GRIP2: variants seen among roughly 807,000 people sequenced by gnomAD.
GRIP2 encodes the protein glutamate receptor-interacting protein 2.
GRIP2 carries 58 observed loss-of-function variants against 108.3 expected under a neutral mutation model. The observed-to-expected ratio is 0.54, with a 90% CI of 0.43 to 0.67. The LOEUF is 0.67. Ranked by LOEUF, GRIP2 falls within the 30% of genes least tolerant of loss-of-function variation. GRIP2 has a pLI of 0.00. For missense variants in GRIP2, 1,278 were observed against 1,430.6 expected (o/e 0.89, Z 1.72); for synonymous variants, 586 against 598.2 (o/e 0.98, Z 0.30).
intron 1 of GRIP2, chr3:14,555,870 C>A (rs1056969171): frequency 2.5e-6 from 1 of 399,084 alleles, no homozygotes; most frequent in Non-Finnish European, 4.4e-6. Flanking sequence ...CCCTCTGGGC[C>A]CCTCGCCCTC....
chr3:14,510,007 T>C, intron 16 of GRIP2, 43 bp from the exon 17 acceptor site: 5 of 1,377,548 alleles, frequency 3.6e-6, no homozygotes, highest in Non-Finnish European at 4.7e-6. Context: ...CCCGAGGGGG[T>C]ACCCAGCTTC....
the GRIP2 span, chr3:14,574,695 C>T: frequency 1.8e-5 from 11 of 607,776 alleles, no homozygotes; most frequent in East Asian, 4.0e-4. Flanking sequence ...AGTGAAGCTT[C>T]GACGCTGTGC....
In GRIP2 at chr3:14,517,821, G is replaced by A. The variant is rs749607372; in HGVS notation, c.1107C>T (p.His369=). The A allele has an allele frequency of 1.2e-6, 2 of 1,606,692 alleles. No homozygotes were observed. The change falls in exon 10 of 24, where the codon CAC becomes CAT. Residue 369 remains histidine, a synonymous_variant. Transcript: ENST00000621039. ...VPSCHSPRPG[H]CRMPTWATPA... is the part of the protein sequence containing the mutation. ...GTGTGGCCCAGGTGGGCATCCTGCA[G>A]TGGCCGGGCCGGGGGCTGTGGCAGG...
In GRIP2 at chr3:14,520,448, G is replaced by A. The variant is rs762030789; in HGVS notation, c.802C>T (p.Leu268Phe). The change falls in exon 8 of 24, where the codon CTC becomes TTC. Residue 268 changes from leucine (L) to phenylalanine (F), a missense_variant. Coordinates refer to ENST00000621039, the MANE Select transcript of GRIP2 (RefSeq NM_001080423.4). ...ALGISLTTTS[L>F]RNKSVITIDR... ...ATGGTAATGACTGACTTGTTCCGGA[G>A]GGAGGTGGTGGTGAGCGAGATCCCC... The A allele has an allele frequency of 1.4e-5, 23 of 1,613,726 alleles. No homozygotes were observed. The highest frequency in any genetic ancestry group is 1.9e-5 in the Non-Finnish European group (23 of 1,179,856).
Position 14,540,299 on chromosome 3 carries a change from C to A in GRIP2, c.10G>T (p.Gly4Trp), listed in dbSNP as rs767432061. The A allele has an allele frequency of 3.5e-5, 57 of 1,613,728 alleles. 2 individuals carry two copies. The South Asian group carries it at 6.3e-4, about 18-fold the overall frequency. The change falls in exon 1 of 24, where the codon GGG becomes TGG. Residue 4 changes from glycine to tryptophan, a missense_variant. Gly to Trp is a radical substitution (Grantham distance 184, BLOSUM62 -2). Transcript: ENST00000621039. This position sits in a 1 kb window ranked among gnomAD's most constrained non-coding sequence, Gnocchi z 4.1. The part of the protein sequence containing the change: MLC[G>W]LSRETPGEAD... ...TCTCCAGGGGTCTCCCGGCTGAGCC[C>A]ACACAGCATGTTCGCTATTGTCTCC...
rs187103756 is a variant in GRIP2, at chr3:14,492,283, G to C, written c.*1382C>G. ...ACTTTTCTGGCCTCCAGGGACCCCA[G>C]GTTGGAGACAGATGGAGGTGGGAGT... On this transcript the variant is annotated 3_prime_UTR_variant, in exon 24 of 24. Coordinates refer to ENST00000621039, the MANE Select transcript of GRIP2 (RefSeq NM_001080423.4). 3 of 152,404 alleles carry C rather than the reference G, an allele frequency of 2.0e-5. No individual in the cohort carries two copies. The East Asian group carries it at 5.8e-4, about 29-fold the overall frequency. 9.4% of individuals were successfully genotyped at this position (152,404 alleles called of 1,614,324 possible).
At chr3:14,540,504 G>A, upstream of GRIP2, 1 of 1,329,762 alleles carries the variant, frequency 7.5e-7, no homozygotes, top group Non-Finnish European at 1.0e-6. This position sits in a 1 kb window ranked among gnomAD's most constrained non-coding sequence, Gnocchi z 4.1. Flanking sequence ...CTCCAGGACA[G>A]GGTCCAACAT....
rs2124871596 is a variant in GRIP2 at position 14,506,902 on chromosome 3, C to T, written c.2297G>A (p.Gly766Glu). 1 of 1,606,394 alleles carries T rather than the reference C, an allele frequency of 6.2e-7. No homozygotes were observed. Among genetic ancestry groups the T allele is most frequent in the African/African-American group, 1.3e-5 (1 of 74,882 alleles). ...CGAGAAGCGGGCTGCTGGCAGGCCT[C>T]CTTTCAGGGCATCTGCTGGGTCCTC... is the stretch of plus-strand genomic sequence containing the variant. ...ADEDPADALK[G>E]GLPAARFSPA... Residue 766 changes from glycine to glutamate, a missense_variant, in exon 19 of 24, where the codon GGA (glycine) becomes GAA (glutamate). By Grantham distance (98) the Gly-to-Glu change is moderately conservative. Transcript: ENST00000621039.
rs1184827463 is a variant in GRIP2, at chr3:14,492,308, T to G, written c.*1357A>C. 1 of 152,084 alleles carries G rather than the reference T, an allele frequency of 6.6e-6. No individual in the cohort carries two copies. The highest frequency in any genetic ancestry group is 1.9e-4 in the East Asian group (1 of 5,172). The allele number at this position is 152,084 out of a possible 1,614,324, so 9.4% of individuals were successfully genotyped here. A position where few individuals can be genotyped will look rare whatever the true frequency, so the allele number is the denominator to read the frequency against. On this transcript the variant is annotated 3_prime_UTR_variant, in exon 24 of 24. Transcript: ENST00000621039. ...GGTTGGAGACAGATGGAGGTGGGAG[T>G]GGGTGCCCCGTTTTCCTGAGACCCC...
chr3:14,601,815 G>A, the GRIP2 span, among the ~76,000 whole-genome samples: 2 of 152,162 alleles, frequency 1.3e-5, no homozygotes, highest in Non-Finnish European at 2.9e-5. Context: ...TTTCCCACTA[G>A]ACTGAGAGAG....
chr3:14,495,103 CA>C, intron 22 of GRIP2, 114 bp from the exon 23 acceptor site: 1 of 1,350,452 alleles, frequency 7.4e-7, no homozygotes, highest in Non-Finnish European at 1.0e-6. Context: ...CCACACCCCC[CA>C]GGCTGCAGCA....
chr3:14,562,500 T>C, the GRIP2 span, among the ~76,000 whole-genome samples: 2 of 152,208 alleles, frequency 1.3e-5, no homozygotes, highest in Non-Finnish European at 2.9e-5. Flanking sequence ...ACCACATCAT[T>C]TTTCTATGAA....
intron 22 of GRIP2, 64 bp downstream of exon 22, chr3:14,496,353 C>T: frequency 1.4e-6 from 2 of 1,439,430 alleles, no homozygotes; most frequent in Admixed American, 2.1e-5. Context: ...TCTGGAGTCC[C>T]ACGACAGTGC....
At chr3:14,523,561 T>TGGCTAAATTCC in intron 5 of GRIP2, 51 bp downstream of exon 5, 1 of 1,134,884 alleles carries the variant, frequency 8.8e-7, no homozygotes, top group Non-Finnish European at 1.3e-6. Context: ...ATGGAATTAG[T>TGGCTAAATTCC]ATTAGCCTCT....
intron 1 of GRIP2, among the ~76,000 whole-genome samples, chr3:14,528,516 G>A (rs1026307918): frequency 6.6e-5 from 10 of 152,126 alleles, no homozygotes; most frequent in Admixed American, 1.3e-4. Flanking sequence ...AGTTTCAATC[G>A]CTGTGCATCC....
chr3:14,494,399 C>T (rs1693516693), intron 23 of GRIP2, among the ~76,000 whole-genome samples: 1 of 152,242 alleles, frequency 6.6e-6, no homozygotes, highest in Non-Finnish European at 1.5e-5. Context: ...CACGATGTCC[C>T]ACGCTTCCCA....
In GRIP2 at chr3:14,525,878, G is replaced by A. The variant is rs764673577; in HGVS notation, c.94C>T (p.Leu32=). The A allele has an allele frequency of 2.6e-6, 4 of 1,560,464 alleles. No homozygotes were observed. The South Asian group carries it at 4.7e-5, about 18-fold the overall frequency. The change falls in exon 2 of 24, where the codon CTG becomes TTG. Residue 32 remains leucine (L), a synonymous_variant. Transcript: ENST00000621039. ...GGAATGCTCTGTCTGCGGCACGCCA[G>A]GGAAACGTCGGCCCCTCCTGCGTCC... ...GKDAGGADVS[L]ACRRQSIPEE... is the part of the protein sequence containing the mutation.
the GRIP2 span, among the ~76,000 whole-genome samples, chr3:14,598,705 T>C: frequency 6.6e-6 from 1 of 152,004 alleles, no homozygotes; most frequent in Non-Finnish European, 1.5e-5. Flanking sequence ...GCAGTAAAGG[T>C]CCTACACTGA....
the GRIP2 span, chr3:14,574,320 C>G: frequency 4.0e-6 from 4 of 1,012,036 alleles, no homozygotes; most frequent in Non-Finnish European, 4.6e-6. Context: ...CCGCTTCTCC[C>G]GGGCGAAGAG....
Sources: gnomAD v4.1 joint callset for allele counts (sites outside exome capture counted in the v4.1 genomes callset) on GRCh38, gnomAD v4.1.1 for gene constraint, Gnocchi (gnomAD v3.1) non-coding constraint, MANE v1.5 for transcripts, NCBI Gene and HGNC (gene_info 2026-07-23, HGNC 2026-07-21) for gene names.